The following CNMD variants were observed in gnomAD, a reference collection of about 807,000 sequenced individuals.
The protein encoded by CNMD is chondromodulin.
In CNMD, 30 loss-of-function variants were observed where a neutral mutation model predicts 37.5. The ratio of observed to expected loss-of-function variants is 0.80; its 90% CI spans 0.60 to 1.09. CNMD has a LOEUF of 1.09. Among genes scored for constraint, CNMD ranks in the 50% least tolerant of loss-of-function variants. The probability of loss-of-function intolerance (pLI) is 0.00; values close to 1 mark genes in which losing one functional copy is unlikely to be tolerated. For missense variants in CNMD, 398 were observed against 423.9 expected (o/e 0.94, Z 0.54); for synonymous variants, 167 against 148.2 (o/e 1.13, Z -0.92).
At chr13:52,716,261 G>C (rs1193856945) in intron 4 of CNMD, among the ~76,000 whole-genome samples, 4 of 152,092 alleles carry the variant, frequency 2.6e-5, no homozygotes, top group African/African-American at 9.7e-5. Flanking sequence ...TTGTCAGATG[G>C]ATAGATTGCA....
At chr13:52,730,987 T>A (rs1483655083) in intron 3 of CNMD, among the ~76,000 whole-genome samples, 1 of 152,164 alleles carries the variant, frequency 6.6e-6, no homozygotes, top group Admixed American at 6.6e-5. Context: ...TCTTTTTTCC[T>A]TCCCCAAGTT....
rs1964252245 is a variant in CNMD, at chr13:52,709,300, A to G, written c.623-598T>C. The stretch of plus-strand genomic sequence containing the variant: ...AACTGGAAAGAGACTTGATGGTATC[A>G]TTGAGTAGCTGATAGTGTCAAAAAC... On this transcript the variant is annotated intron_variant, in intron 5 of 6. Coordinates refer to ENST00000377962, the MANE Select transcript of CNMD (RefSeq NM_007015.3). Among the ~76,000 whole-genome samples, 5 of 152,306 alleles carry G rather than the reference A, an allele frequency of 3.3e-5. No individual in the cohort carries two copies. The South Asian group carries it at 1.0e-3, about 32-fold the overall frequency.
At position 52,739,322 on chromosome 13, in the gene CNMD, G is replaced by A; in HGVS notation, c.73-151C>T. The A allele has an allele frequency of 1.1e-6, 1 of 934,522 alleles. No individual in the cohort carries two copies. 57.9% of individuals were successfully genotyped at this position (934,522 alleles called of 1,614,324 possible). A position where few individuals can be genotyped will look rare whatever the true frequency, so the allele number is the denominator to read the frequency against. On this transcript the variant is annotated intron_variant, in intron 1 of 6. Transcript: ENST00000377962. This position sits in a 1 kb window ranked among gnomAD's most constrained non-coding sequence, Gnocchi z 5.4. The stretch of plus-strand genomic sequence containing the variant: ...GGCTCCTACGGGTGCCCCTTTCGCC[G>A]CGCTCCCTCCCGAGGGTCCTTTGCA...
rs1225471951 is a variant in CNMD at position 52,739,225 on chromosome 13, G to T, written c.73-54C>A. 1.4e-6 allele frequency: 2 copies of T among 1,421,710 alleles called. No homozygotes were observed. The highest frequency in any genetic ancestry group is 5.6e-5 in the East Asian group (2 of 35,762). 88.1% of individuals were successfully genotyped at this position (1,421,710 alleles called of 1,614,324 possible). A position where few individuals can be genotyped will look rare whatever the true frequency, so the allele number is the denominator to read the frequency against. On this transcript the variant is annotated intron_variant, in intron 1 of 6. Transcript: ENST00000377962. The surrounding 1 kb of genome is among the most constrained non-coding windows in gnomAD (Gnocchi z 5.4). ...CGCGTTTGTGCCGCCAGCACCTGCG[G>T]CCCCCAGCGCACCCGGGCCCCACGC...
intron 3 of CNMD, among the ~76,000 whole-genome samples, chr13:52,729,951 G>A (rs1964636357): frequency 1.3e-5 from 2 of 151,624 alleles, no homozygotes; most frequent in Admixed American, 6.6e-5. Context: ...TTAGCATTAG[G>A]TATATCTCCT....
chr13:52,737,121 G>A (rs1439860182), intron 2 of CNMD, among the ~76,000 whole-genome samples: 1 of 151,984 alleles, frequency 6.6e-6, no homozygotes, highest in Non-Finnish European at 1.5e-5. Context: ...CCCAAAGAGT[G>A]GATAATCCAT....
chr13:52,717,974 G>T (rs1964418158), intron 4 of CNMD, among the ~76,000 whole-genome samples: 1 of 152,036 alleles, frequency 6.6e-6, no homozygotes. Flanking sequence ...TCTGGTCCTG[G>T]GCTTTTTTTG....
At chr13:52,727,459 C>T (rs555383438) in intron 3 of CNMD, among the ~76,000 whole-genome samples, 14 of 152,140 alleles carry the variant, frequency 9.2e-5, no homozygotes, top group Middle Eastern at 3.4e-3. Context: ...CCCAGGAGTT[C>T]GCAACCAGCC....
chr13:52,726,587 C>A (rs1039254885), intron 3 of CNMD, among the ~76,000 whole-genome samples: 1 of 149,256 alleles, frequency 6.7e-6, no homozygotes, highest in African/African-American at 2.5e-5. Context: ...ACCTAACCAA[C>A]ACCAAAAGTC....
intron 4 of CNMD, among the ~76,000 whole-genome samples, chr13:52,713,777 A>G (rs968017141): frequency 2.0e-5 from 3 of 152,232 alleles, no homozygotes; most frequent in African/African-American, 7.2e-5. Context: ...AATTTATGAA[A>G]GCAAGTGGTA....
In CNMD at chr13:52,739,675, G is replaced by A. The variant is rs540341202; in HGVS notation, c.27C>T (p.Pro9=). MTENSDKV[P]IALVGPDDVE... ...CGTCATCAGGTCCCACCAGGGCAAT[G>A]GGAACTTTGTCGGAGTTCTCTGTCA... Residue 9 remains proline (P), a synonymous_variant, in exon 1 of 7, where the codon CCC becomes CCT. Coordinates refer to ENST00000377962, the MANE Select transcript of CNMD (RefSeq NM_007015.3). The surrounding 1 kb of genome is among the most constrained non-coding windows in gnomAD (Gnocchi z 5.4). The A allele has an allele frequency of 4.3e-6, 7 of 1,614,176 alleles. No homozygotes were observed. In the African/African-American group the frequency reaches 8.0e-5, roughly 18 times the overall value.
At chr13:52,705,923 ATTC>A (rs1433610830) in intron 6 of CNMD, among the ~76,000 whole-genome samples, 8 of 152,294 alleles carry the variant, frequency 5.3e-5, no homozygotes, top group African/African-American at 1.7e-4. Context: ...GATTCTTTTT[ATTC>A]TTCTTCAAGC....
At chr13:52,721,563 G>A (rs1964482410) in intron 4 of CNMD, among the ~76,000 whole-genome samples, 1 of 152,194 alleles carries the variant, frequency 6.6e-6, no homozygotes, top group South Asian at 2.1e-4. Flanking sequence ...CCAACCCCTT[G>A]AGCTTCCTGG....
intron 6 of CNMD, among the ~76,000 whole-genome samples, chr13:52,707,876 G>A (rs1255632211): frequency 6.6e-6 from 1 of 151,968 alleles, no homozygotes; most frequent in Non-Finnish European, 1.5e-5. Flanking sequence ...GGGAGGCCAA[G>A]GCAGGTGGAT....
At chr13:52,728,113 G>C (rs1964604719) in intron 3 of CNMD, among the ~76,000 whole-genome samples, 2 of 152,038 alleles carry the variant, frequency 1.3e-5, no homozygotes, top group African/African-American at 2.4e-5. Context: ...CCTGGGCCAG[G>C]GCGGTGGCTC....
At chr13:52,709,971 CA>C (rs1185043503) in intron 5 of CNMD, among the ~76,000 whole-genome samples, 1 of 151,676 alleles carries the variant, frequency 6.6e-6, no homozygotes, top group African/African-American at 2.4e-5. Flanking sequence ...AACTCCATCT[CA>C]AAAAAAAGTA....
At chr13:52,703,849 G>A (rs1180474507) in intron 6 of CNMD, 39 bp from the exon 7 acceptor site, 1 of 1,547,572 alleles carries the variant, frequency 6.5e-7, no homozygotes, top group South Asian at 1.1e-5. Context: ...TAACTGCATA[G>A]TGGGAAGGTC....
chr13:52,738,977 CT>C, intron 2 of CNMD, 53 bp downstream of exon 2: 1 of 1,490,976 alleles, frequency 6.7e-7, no homozygotes, highest in Non-Finnish European at 8.9e-7. Flanking sequence ...CGGGCTCCCC[CT>C]AGGGGCACCA....
chr13:52,705,932 C>T (rs910894710), intron 6 of CNMD, among the ~76,000 whole-genome samples: 12 of 152,184 alleles, frequency 7.9e-5, no homozygotes, highest in Admixed American at 7.9e-4. Flanking sequence ...TATTCTTCTT[C>T]AAGCTAAGGT....
Sources: gnomAD v4.1 joint callset for allele counts (sites outside exome capture counted in the v4.1 genomes callset) on GRCh38, gnomAD v4.1.1 for gene constraint, Gnocchi (gnomAD v3.1) non-coding constraint, MANE v1.5 for transcripts, NCBI Gene and HGNC (gene_info 2026-07-23, HGNC 2026-07-21) for gene names.